The following HTT-AS variants were observed in gnomAD, a reference collection of about 807,000 sequenced individuals.
HTT-AS encodes the protein HTT antisense RNA (head to head).
chr4:3,060,705 A>G (rs1182827287), intron 2 of HTT-AS, among the ~76,000 whole-genome samples: 4 of 152,214 alleles, frequency 2.6e-5, no homozygotes, highest in Non-Finnish European at 5.9e-5. Flanking sequence ...GCCAATAAGA[A>G]AAGGCTACCT....
chr4:3,055,994 C>A (rs550452580), intron 2 of HTT-AS, among the ~76,000 whole-genome samples: 1 of 152,260 alleles, frequency 6.6e-6, no homozygotes, highest in East Asian at 1.9e-4. Flanking sequence ...GAAATTTGCA[C>A]AAAGAAAACT....
chr4:3,068,026 C>A (rs1489791586), intron 1 of HTT-AS, among the ~76,000 whole-genome samples: 1 of 152,098 alleles, frequency 6.6e-6, no homozygotes, highest in Non-Finnish European at 1.5e-5. Context: ...GGAAGACAGG[C>A]CAGGTGTGGT....
At chr4:3,073,070 C>T (rs1180426325) in intron 1 of HTT-AS, among the ~76,000 whole-genome samples, 1 of 152,232 alleles carries the variant, frequency 6.6e-6, no homozygotes, top group Non-Finnish European at 1.5e-5. Context: ...GAACTAACAG[C>T]TGTTTCTCTG....
chr4:3,055,030 G>A (rs1011122238), intron 2 of HTT-AS, among the ~76,000 whole-genome samples: 2 of 152,004 alleles, frequency 1.3e-5, no homozygotes, highest in Non-Finnish European at 2.9e-5. Context: ...TTTTCTTAAA[G>A]CACTGTTCTG....
chr4:3,050,970 T>G (rs1302600537), intron 2 of HTT-AS, among the ~76,000 whole-genome samples: 2 of 152,086 alleles, frequency 1.3e-5, no homozygotes, highest in East Asian at 3.8e-4. Flanking sequence ...CTTGATGTTA[T>G]GCTTAACCAG....
intron 1 of HTT-AS, among the ~76,000 whole-genome samples, chr4:3,066,905 G>A (rs1305874514): frequency 6.6e-6 from 1 of 152,184 alleles, no homozygotes; most frequent in Admixed American, 6.5e-5. Context: ...CATACCCTCA[G>A]AGGCCTAGAA....
At chr4:3,050,333 T>G (rs1038999116) in intron 2 of HTT-AS, among the ~76,000 whole-genome samples, 1 of 152,252 alleles carries the variant, frequency 6.6e-6, no homozygotes, top group Non-Finnish European at 1.5e-5. Flanking sequence ...TGATTTAAGA[T>G]GAAAATCTGG....
chr4:3,050,784 CATT>C (rs900131370), intron 2 of HTT-AS, among the ~76,000 whole-genome samples: 1 of 151,992 alleles, frequency 6.6e-6, no homozygotes, highest in Admixed American at 6.5e-5. Context: ...GAGGAGTAAA[CATT>C]ATTTTTTGAC....
exon 2 of HTT-AS, among the ~76,000 whole-genome samples, chr4:3,062,604 G>A (rs1320769290): frequency 3.3e-5 from 5 of 152,108 alleles, no homozygotes; most frequent in East Asian, 1.9e-4. Context: ...TCTCCTGTGC[G>A]CTGATTCTGA....
chr4:3,065,855 G>A (rs1712038236), intron 1 of HTT-AS, among the ~76,000 whole-genome samples: 1 of 152,160 alleles, frequency 6.6e-6, no homozygotes, highest in African/African-American at 2.4e-5. Flanking sequence ...TTTGAAGTGT[G>A]GTTTCCATTG....
chr4:3,046,163 G>A (rs1711582849), downstream of HTT-AS, among the ~76,000 whole-genome samples: 1 of 152,192 alleles, frequency 6.6e-6, no homozygotes. Flanking sequence ...GTTTAATTGA[G>A]CAATGAACGA....
At chr4:3,061,986 TAAAAA>T (rs548695397) in intron 2 of HTT-AS, among the ~76,000 whole-genome samples, 7 of 63,422 alleles carry the variant, frequency 1.1e-4, no homozygotes, top group African/African-American at 3.1e-4. Flanking sequence ...TATCTCAAAT[TAAAAA>T]AAAAAAAAAA....
chr4:3,054,373 T>G (rs977335309), intron 2 of HTT-AS, among the ~76,000 whole-genome samples: 22 of 152,200 alleles, frequency 1.4e-4, no homozygotes, highest in Admixed American at 2.6e-4. Flanking sequence ...GTGAAATTCA[T>G]GCACCAAAAG....
intron 2 of HTT-AS, among the ~76,000 whole-genome samples, chr4:3,052,480 A>G (rs540206482): frequency 1.3e-5 from 2 of 152,360 alleles, no homozygotes; most frequent in South Asian, 4.1e-4. Context: ...ATGAAACCCC[A>G]GAAATTGGAA....
chr4:3,060,072 G>A (rs1711898027), intron 2 of HTT-AS, among the ~76,000 whole-genome samples: 2 of 151,946 alleles, frequency 1.3e-5, no homozygotes, highest in Admixed American at 6.6e-5. Context: ...TGGGTCTTTC[G>A]ATGGTTATTT....
chr4:3,058,617 C>T (rs1254264502), intron 2 of HTT-AS, among the ~76,000 whole-genome samples: 2 of 152,098 alleles, frequency 1.3e-5, no homozygotes, highest in Non-Finnish European at 2.9e-5. Flanking sequence ...CTCCTGGGAA[C>T]GCGGCCCAGC....
At chr4:3,048,814 C>G (rs1711648477), downstream of HTT-AS, among the ~76,000 whole-genome samples, 1 of 152,218 alleles carries the variant, frequency 6.6e-6, no homozygotes, top group Non-Finnish European at 1.5e-5. Flanking sequence ...CTCTTTTACT[C>G]TAAACCATGG....
At chr4:3,055,376 T>C (rs767100759) in intron 2 of HTT-AS, among the ~76,000 whole-genome samples, 8 of 152,140 alleles carry the variant, frequency 5.3e-5, no homozygotes, top group Non-Finnish European at 8.8e-5. Context: ...GGGACTTTAC[T>C]GAGGGGAGGG....
At chr4:3,052,174 T>C (rs1711714885) in intron 2 of HTT-AS, among the ~76,000 whole-genome samples, 1 of 152,196 alleles carries the variant, frequency 6.6e-6, no homozygotes, top group African/African-American at 2.4e-5. Context: ...ACTTTCTAAT[T>C]GATATTTGGG....
Sources: gnomAD v4.1 joint callset for allele counts (sites outside exome capture counted in the v4.1 genomes callset) on GRCh38, gnomAD v4.1.1 for gene constraint, MANE v1.5 for transcripts, NCBI Gene and HGNC (gene_info 2026-07-23, HGNC 2026-07-21) for gene names.